MYO3A: variants seen among roughly 807,000 people sequenced by gnomAD.
MYO3A encodes the protein myosin IIIA.
A neutral mutation model predicts 192.7 loss-of-function variants in MYO3A; 180 were observed. The ratio of observed to expected loss-of-function variants is 0.93; its 90% CI spans 0.83 to 1.06. The LOEUF (loss-of-function observed/expected upper bound fraction) is 1.06. Among genes scored for constraint, MYO3A ranks in the 50% least tolerant of loss-of-function variants. The pLI is 0.00. For synonymous variants in MYO3A, 628 were observed against 645.3 expected, an observed-to-expected ratio of 0.97 and a Z score of 0.41; for missense variants, 1,896 against 1,905.0, an observed-to-expected ratio of 1.00 and a Z score of 0.09.
chr10:26,129,337 T>C (rs1406980982), intron 20 of MYO3A, among the ~76,000 whole-genome samples: 5 of 152,208 alleles, frequency 3.3e-5, no homozygotes, highest in Non-Finnish European at 5.9e-5. Flanking sequence ...AGACATAAAT[T>C]TAAGACCTTA....
intron 32 of MYO3A, among the ~76,000 whole-genome samples, chr10:26,199,336 T>C (rs566157686): frequency 1.2e-3 from 190 of 152,290 alleles, no homozygotes; most frequent in African/African-American, 4.4e-3. Context: ...GTGGATTGCT[T>C]GAGCTTAAGA....
chr10:26,164,648 A>G (rs1450900318), intron 26 of MYO3A, among the ~76,000 whole-genome samples: 1 of 152,168 alleles, frequency 6.6e-6, no homozygotes, highest in Non-Finnish European at 1.5e-5. Flanking sequence ...AGGAATCCAC[A>G]CATCCACAGG....
At chr10:26,045,849 A>G (rs533362791) in intron 10 of MYO3A, among the ~76,000 whole-genome samples, 44 of 152,220 alleles carry the variant, frequency 2.9e-4, no homozygotes, top group African/African-American at 9.9e-4. Flanking sequence ...CGTTTCTACA[A>G]GGTTGTCCAT....
intron 20 of MYO3A, among the ~76,000 whole-genome samples, chr10:26,133,187 C>T (rs1178710774): frequency 6.6e-6 from 1 of 152,222 alleles, no homozygotes; most frequent in Non-Finnish European, 1.5e-5. Flanking sequence ...CCCATTTTAG[C>T]TCTCCAAGTG....
At chr10:26,100,499 G>C (rs914211413) in intron 17 of MYO3A, among the ~76,000 whole-genome samples, 3 of 152,036 alleles carry the variant, frequency 2.0e-5, no homozygotes, top group Non-Finnish European at 2.9e-5. Context: ...GTGATGTTAG[G>C]GTGTCAATTT....
chr10:26,173,810 C>G lies in MYO3A; in HGVS notation c.3546C>G (p.Asn1182Lys). 1.2e-6 allele frequency: 2 copies of G among 1,614,020 alleles called. No homozygotes were observed. Among genetic ancestry groups the G allele is most frequent in the East Asian group, 2.2e-5 (1 of 44,864 alleles). ...EEETTNAVES[N>K]NRVYQTPKKM... ...AAACCACCAATGCTGTGGAGAGTAA[C>G]AACAGAGTGTATCAGACTCCAAAAA... is the stretch of plus-strand genomic sequence containing the variant. The change falls in exon 30 of 35, where the codon AAC becomes AAG. Residue 1182 changes from asparagine to lysine, a missense_variant. Transcript: ENST00000642920.
chr10:26,173,055 G>GA (rs35552865), intron 29 of MYO3A, among the ~76,000 whole-genome samples: 26,180 of 139,986 alleles, frequency 0.19, 2,368 homozygotes, highest in East Asian at 0.33. Flanking sequence ...CCTTTGGCTA[G>GA]AAAAAAAAAA....
intron 2 of MYO3A, among the ~76,000 whole-genome samples, chr10:25,938,211 G>A (rs1190934381): frequency 6.6e-6 from 1 of 152,218 alleles, no homozygotes; most frequent in African/African-American, 2.4e-5. Context: ...GCTGATATGT[G>A]ACTGTGTATG....
intron 10 of MYO3A, among the ~76,000 whole-genome samples, 192 bp downstream of exon 10, chr10:26,026,724 C>G (rs1298529899): frequency 2.0e-5 from 3 of 151,968 alleles, no homozygotes; most frequent in Admixed American, 2.0e-4. Flanking sequence ...TTTTTTGAAA[C>G]AGAGTCTTGC....
chr10:26,003,138 A>C (rs1449456035), intron 6 of MYO3A, among the ~76,000 whole-genome samples: 5 of 152,210 alleles, frequency 3.3e-5, no homozygotes, highest in Non-Finnish European at 7.3e-5. Context: ...CTGCCTCCTA[A>C]GATTGGTTGC....
At chr10:25,942,562 A>G (rs1434138675) in intron 2 of MYO3A, among the ~76,000 whole-genome samples, 1 of 152,226 alleles carries the variant, frequency 6.6e-6, no homozygotes, top group Non-Finnish European at 1.5e-5. Flanking sequence ...AGCAATGCGC[A>G]AGAGTTCCAA....
chr10:25,974,655 C>T (rs2130755184), intron 4 of MYO3A, among the ~76,000 whole-genome samples: 1 of 152,302 alleles, frequency 6.6e-6, no homozygotes, highest in Admixed American at 6.5e-5. Flanking sequence ...CCACAGACTC[C>T]TACTGTTCTA....
At chr10:26,203,983 ATGT>A (rs1843793748) in intron 34 of MYO3A, 1 of 152,226 alleles carries the variant, frequency 6.6e-6, no homozygotes, top group South Asian at 2.1e-4. Flanking sequence ...CTGCCTCACC[ATGT>A]TGTTGTAGAG....
At chr10:25,953,339 A>G (rs1837330041) in intron 3 of MYO3A, among the ~76,000 whole-genome samples, 2 of 151,888 alleles carry the variant, frequency 1.3e-5, no homozygotes, top group Admixed American at 1.3e-4. Context: ...ACTCTTCCAT[A>G]TTATTTTGAG....
At chr10:25,975,975 A>G (rs1311313372) in intron 4 of MYO3A, among the ~76,000 whole-genome samples, 3 of 152,242 alleles carry the variant, frequency 2.0e-5, no homozygotes, top group Non-Finnish European at 4.4e-5. Context: ...TGGACATTGT[A>G]CAAAACCATA....
intron 2 of MYO3A, among the ~76,000 whole-genome samples, chr10:25,943,593 C>G (rs556841222): frequency 1.3e-5 from 2 of 152,094 alleles, no homozygotes; most frequent in African/African-American, 4.8e-5. Context: ...TCTTTCATCT[C>G]CTTGGTTAAG....
At chr10:26,049,747 C>A (rs1034001631) in intron 10 of MYO3A, among the ~76,000 whole-genome samples, 1 of 141,660 alleles carries the variant, frequency 7.1e-6, no homozygotes, top group African/African-American at 2.6e-5. Flanking sequence ...GGCGCAATCT[C>A]AGCTCACTGC....
intron 10 of MYO3A, among the ~76,000 whole-genome samples, chr10:26,061,522 G>T (rs1489746144): frequency 6.6e-6 from 1 of 152,092 alleles, no homozygotes; most frequent in Non-Finnish European, 1.5e-5. Flanking sequence ...GAAAATGCTT[G>T]GTATATTAAG....
At chr10:26,029,316 T>A (rs991783797) in intron 10 of MYO3A, among the ~76,000 whole-genome samples, 11 of 152,198 alleles carry the variant, frequency 7.2e-5, no homozygotes, top group African/African-American at 2.7e-4. Flanking sequence ...GTTATGGAAA[T>A]TTTTCAGTTG....
Sources: gnomAD v4.1 joint callset for allele counts (sites outside exome capture counted in the v4.1 genomes callset) on GRCh38, gnomAD v4.1.1 for gene constraint, MANE v1.5 for transcripts, NCBI Gene and HGNC (gene_info 2026-07-23, HGNC 2026-07-21) for gene names.